The following DDR2 variants were observed in gnomAD, a reference collection of about 807,000 sequenced individuals.
DDR2 encodes the protein discoidin domain-containing receptor 2.
In DDR2, 27 loss-of-function variants were observed where a neutral mutation model predicts 94.9. The ratio of observed to expected loss-of-function variants is 0.28; its 90% CI spans 0.21 to 0.39. DDR2 has a LOEUF of 0.39. Among genes scored for constraint, DDR2 ranks in the 10% least tolerant of loss-of-function variants. The pLI is 1.00. For missense variants in DDR2, 783 were observed against 1,076.0 expected (o/e 0.73, Z 3.81); for synonymous variants, 382 against 377.2 (o/e 1.01, Z -0.15).
chr1:162,687,440 A>C (rs1002819713), intron 2 of DDR2, among the ~76,000 whole-genome samples: 1 of 152,178 alleles, frequency 6.6e-6, no homozygotes, highest in Admixed American at 6.5e-5. Flanking sequence ...CATTTCCAGA[A>C]GTGACCATGG....
chr1:162,775,589 C>G (rs1044748954), intron 14 of DDR2, 63 bp from the exon 15 acceptor site: 1 of 1,573,104 alleles, frequency 6.4e-7, no homozygotes, highest in Non-Finnish European at 8.7e-7. Context: ...GGTGTGCATT[C>G]TTCTCTCTCT....
intron 2 of DDR2, among the ~76,000 whole-genome samples, chr1:162,678,562 A>C (rs1018255104): frequency 1.3e-5 from 2 of 152,208 alleles, no homozygotes; most frequent in African/African-American, 4.8e-5. Context: ...ATGAGGAATC[A>C]CTGGCCCAAG....
intron 1 of DDR2, among the ~76,000 whole-genome samples, chr1:162,633,726 TAGAG>T (rs1006230065): frequency 1.8e-4 from 28 of 152,232 alleles, no homozygotes; most frequent in Admixed American, 3.3e-4. Context: ...TTATCAGTAA[TAGAG>T]AGGACGCCAA....
intron 2 of DDR2, among the ~76,000 whole-genome samples, chr1:162,679,714 C>T (rs1457231844): frequency 2.0e-5 from 3 of 152,128 alleles, no homozygotes; most frequent in African/African-American, 4.8e-5. Flanking sequence ...TGAGGAATCA[C>T]CACACTGCCT....
intron 3 of DDR2, among the ~76,000 whole-genome samples, chr1:162,750,588 C>T (rs1663137968): frequency 6.6e-6 from 1 of 152,078 alleles, no homozygotes; most frequent in South Asian, 2.1e-4. Flanking sequence ...TTTATAGATT[C>T]AATGCCATCC....
chr1:162,745,579 AT>A lies in DDR2; in HGVS notation c.83-7505del, dbSNP rs374995228. Among the ~76,000 whole-genome samples the A allele has an allele frequency of 5.9e-3, 873 of 147,454 alleles. 7 individuals are homozygous for A. Among genetic ancestry groups the A allele is most frequent in the African/African-American group, 0.02 (792 of 40,370 alleles). On this transcript the variant is annotated intron_variant, in intron 3 of 17. Coordinates refer to ENST00000367921, the MANE Select transcript of DDR2 (RefSeq NM_006182.4). ...TTTCCCAACACCATTTATTAATGAG[AT>A]TTTTTTTTTTGCCCATTGTTTATTT...
intron 2 of DDR2, among the ~76,000 whole-genome samples, chr1:162,656,884 C>G (rs1168433801): frequency 2.7e-5 from 3 of 109,870 alleles, no homozygotes; most frequent in Non-Finnish European, 5.4e-5. Flanking sequence ...CTCTGTCACC[C>G]AGGCTGGAGA....
chr1:162,721,399 A>G (rs1235141110), intron 3 of DDR2, among the ~76,000 whole-genome samples: 2 of 152,174 alleles, frequency 1.3e-5, no homozygotes, highest in Non-Finnish European at 2.9e-5. Context: ...AAAGACCTTT[A>G]TAGGAAAACA....
rs569488641 is a variant in DDR2 at position 162,659,906 on chromosome 1, C to T, written c.-28+4532C>T. The stretch of plus-strand genomic sequence containing the variant: ...TTACTGTCAGAGCAGATTTGGGCTG[C>T]TAGGTAGAATCTTATTTTCACTGTT... On this transcript the variant is annotated intron_variant, in intron 2 of 17. Coordinates refer to ENST00000367921, the MANE Select transcript of DDR2 (RefSeq NM_006182.4). 3.3e-5 allele frequency among the ~76,000 whole-genome samples: 5 copies of T among 152,240 alleles called. No homozygotes were observed. The East Asian group carries it at 9.6e-4, about 29-fold the overall frequency.
At chr1:162,765,207 G>A (rs1005738302) in intron 9 of DDR2, among the ~76,000 whole-genome samples, 11 of 152,048 alleles carry the variant, frequency 7.2e-5, no homozygotes, top group African/African-American at 1.7e-4. Context: ...TACTCCTGGG[G>A]TCTCTTGAGC....
intron 7 of DDR2, among the ~76,000 whole-genome samples, chr1:162,756,169 A>G (rs931053090): frequency 2.0e-5 from 3 of 152,236 alleles, no homozygotes; most frequent in African/African-American, 7.2e-5. Context: ...GTCAGAAAGA[A>G]TAGACCTTAT....
intron 3 of DDR2, among the ~76,000 whole-genome samples, chr1:162,742,812 G>T (rs1250301688): frequency 6.6e-6 from 1 of 152,186 alleles, no homozygotes; most frequent in Non-Finnish European, 1.5e-5. Flanking sequence ...ATCATGGCAC[G>T]AGGCGAAAGG....
At chr1:162,741,256 A>ATATAGTATAG (rs1558057574) in intron 3 of DDR2, among the ~76,000 whole-genome samples, 30 of 122,970 alleles carry the variant, frequency 2.4e-4, no homozygotes, top group Non-Finnish European at 3.4e-4. Flanking sequence ...GTATAATGTA[A>ATATAGTATAG]TGTAATGTAA....
chr1:162,756,339 A>G (rs1663465216), intron 7 of DDR2, among the ~76,000 whole-genome samples: 1 of 152,232 alleles, frequency 6.6e-6, no homozygotes. Flanking sequence ...TGGCTATAGT[A>G]GAAGCTGGAG....
intron 3 of DDR2, among the ~76,000 whole-genome samples, chr1:162,743,117 A>G (rs560646827): frequency 6.6e-6 from 1 of 152,122 alleles, no homozygotes; most frequent in Non-Finnish European, 1.5e-5. Context: ...AACTTCCTGC[A>G]TATGATTCTG....
chr1:162,764,827 A>C lies in DDR2; in HGVS notation c.1100-1174A>C, dbSNP rs566838383. Among the ~76,000 whole-genome samples the C allele has an allele frequency of 2.6e-3, 384 of 145,592 alleles. 1 individual carries two copies. The highest frequency in any genetic ancestry group is 3.7e-3 in the Non-Finnish European group (246 of 65,648). On this transcript the variant is annotated intron_variant, in intron 9 of 17. Transcript: ENST00000367921. ...GGGTGACAGAGTGAGACCCTGTTTAAAAAAAAAAAAAAAGAAAGAAAAGAA... is the reference window on the plus strand; with the variant it reads ...GGGTGACAGAGTGAGACCCTGTTTACAAAAAAAAAAAAAGAAAGAAAAGAA...
At chr1:162,718,346 G>A (rs1661263555) in intron 2 of DDR2, among the ~76,000 whole-genome samples, 1 of 152,132 alleles carries the variant, frequency 6.6e-6, no homozygotes, top group African/African-American at 2.4e-5. Flanking sequence ...TGAGCACTAG[G>A]TTTGCTCATT....
chr1:162,779,963 A>G (rs774651153), intron 17 of DDR2, 149 bp from the exon 18 acceptor site: 15 of 1,163,630 alleles, frequency 1.3e-5, no homozygotes, highest in Non-Finnish European at 2.5e-6. Context: ...AGTAGGAAAA[A>G]TGGACACTAC....
intron 3 of DDR2, among the ~76,000 whole-genome samples, chr1:162,740,449 A>G (rs546777664): frequency 6.6e-6 from 1 of 152,160 alleles, no homozygotes; most frequent in East Asian, 1.9e-4. Flanking sequence ...CTTTTTCCTC[A>G]AGTTTACCTT....
Sources: allele counts gnomAD v4.1 joint callset (sites outside exome capture counted in the v4.1 genomes callset), GRCh38; gene constraint gnomAD v4.1.1; transcripts MANE v1.5; gene names NCBI Gene and HGNC (gene_info 2026-07-23, HGNC 2026-07-21).